The following ZNF710 variants were observed in gnomAD, a reference collection of about 807,000 sequenced individuals.
ZNF710 encodes the protein zinc finger protein 710.
Under a neutral mutation model 50.6 loss-of-function variants are expected in ZNF710, and 13 were observed. The observed-to-expected ratio is 0.26, with a 90% CI of 0.17 to 0.41. ZNF710 has a LOEUF of 0.41. Among genes scored for constraint, ZNF710 ranks in the 10% least tolerant of loss-of-function variants. ZNF710 has a pLI of 1.00. For synonymous variants in ZNF710, 383 were observed against 397.0 expected (o/e 0.96, Z 0.42); for missense variants, 721 against 936.6 (o/e 0.77, Z 3.01).
At chr15:90,030,365 C>T (rs946801402) in intron 1 of ZNF710, among the ~76,000 whole-genome samples, 1 of 136,880 alleles carries the variant, frequency 7.3e-6, no homozygotes, top group African/African-American at 2.7e-5. Context: ...AAAGAATTAG[C>T]TATCAGCTCC....
Position 90,017,761 on chromosome 15 carries a change from G to A in ZNF710, c.-29+16147G>A, listed in dbSNP as rs539171892. 3.3e-5 allele frequency among the ~76,000 whole-genome samples: 5 copies of A among 152,202 alleles called. No homozygotes were observed. The East Asian group carries it at 9.7e-4, about 29-fold the overall frequency. ...CAGTGCCCAGTTGTTTGCAGAATTC[G>A]AGAATGGATGGGAAGCACCCAGGAA... On this transcript the variant is annotated intron_variant, in intron 1 of 4. Coordinates refer to ENST00000268154, the MANE Select transcript of ZNF710 (RefSeq NM_198526.4).
At chr15:90,055,702 C>T (rs940912228) in intron 1 of ZNF710, among the ~76,000 whole-genome samples, 3 of 152,206 alleles carry the variant, frequency 2.0e-5, no homozygotes, top group East Asian at 1.9e-4. Context: ...TTCCTTGCCC[C>T]GTACAATCTC....
chr15:90,052,195 C>CA (rs1899666752), intron 1 of ZNF710, among the ~76,000 whole-genome samples: 1 of 152,202 alleles, frequency 6.6e-6, no homozygotes, highest in Admixed American at 6.5e-5. Flanking sequence ...GCCAGACACT[C>CA]ACACAGCTCG....
chr15:90,077,345 G>A (rs1037571585), intron 4 of ZNF710, among the ~76,000 whole-genome samples: 7 of 145,710 alleles, frequency 4.8e-5, no homozygotes, highest in Admixed American at 2.9e-4. Flanking sequence ...CTGGGTTCAC[G>A]CCATTCTCCT....
At chr15:90,045,875 C>G (rs373538397) in intron 1 of ZNF710, among the ~76,000 whole-genome samples, 4 of 152,138 alleles carry the variant, frequency 2.6e-5, no homozygotes, top group African/African-American at 9.7e-5. Context: ...CAGGTCTCTT[C>G]TGGAGGACCT....
Position 90,001,419 on chromosome 15 carries a change from A to AGAGC in ZNF710, c.-216_-213dup, listed in dbSNP as rs1898006491. ...CAGGGAGGGAGAGAGCGCGAGCGAG[A>AGAGC]GAGCGAGCGAGAGGAGGGGGGAGAG... On this transcript the variant is annotated 5_prime_UTR_variant, in exon 1 of 5. Coordinates refer to ENST00000268154, the MANE Select transcript of ZNF710 (RefSeq NM_198526.4). 1 of 151,640 alleles carries AGAGC rather than the reference A, an allele frequency of 6.6e-6. No homozygotes were observed. The highest frequency in any genetic ancestry group is 2.1e-4 in the South Asian group (1 of 4,820). 9.4% of individuals were successfully genotyped at this position (151,640 alleles called of 1,614,324 possible).
chr15:90,068,515 G>C lies in ZNF710; in HGVS notation c.1378G>C (p.Val460Leu), dbSNP rs1021257964. 2 of 1,613,288 alleles carry C rather than the reference G, an allele frequency of 1.2e-6. No homozygotes were observed. Among genetic ancestry groups the C allele is most frequent in the Non-Finnish European group, 1.7e-6 (2 of 1,180,042 alleles). ...GAACCACATGCTCAAGCACCAGAAC[G>C]TGCGACCCTTCGTGTGCACTGAATG... ...LQNHMLKHQN[V>L]RPFVCTECGM... The change falls in exon 2 of 5, where the codon GTG (valine) becomes CTG (leucine). Residue 460 changes from valine to leucine, a missense_variant. Val to Leu is a conservative substitution (Grantham distance 32). This residue lies in a region of ZNF710 where 326 missense variants were observed against 522.0 expected (regional missense o/e 0.62). Transcript: ENST00000268154. This position sits in a 1 kb window ranked among gnomAD's most constrained non-coding sequence, Gnocchi z 5.0.
intron 4 of ZNF710, among the ~76,000 whole-genome samples, chr15:90,077,769 G>A (rs1385279457): frequency 6.6e-6 from 1 of 152,164 alleles, no homozygotes; most frequent in Non-Finnish European, 1.5e-5. Context: ...AATGGCTCAA[G>A]ACCAGGTGTG....
At chr15:90,015,182 C>T (rs1314600256) in intron 1 of ZNF710, among the ~76,000 whole-genome samples, 8 of 152,158 alleles carry the variant, frequency 5.3e-5, no homozygotes, top group Non-Finnish European at 1.0e-4. Context: ...TGAGCCACTG[C>T]GCCTGGCCCA....
rs1228350770 is a variant in ZNF710 at position 90,081,282 on chromosome 15, G to A, written c.*1453G>A. The A allele has an allele frequency of 9.0e-6, 1 of 110,966 alleles. No homozygotes were observed. The highest frequency in any genetic ancestry group is 2.1e-5 in the Non-Finnish European group (1 of 48,152). The allele number at this position is 110,966 out of a possible 1,614,324, so 6.9% of individuals were successfully genotyped here. On this transcript the variant is annotated 3_prime_UTR_variant, in exon 5 of 5. Transcript: ENST00000268154. ...CCTGGAACCAGAGATGACAGGCCCA[G>A]GGCAGTGAAATAGCACATTCAGGAA...
chr15:90,067,687 G>A lies in ZNF710; in HGVS notation c.550G>A (p.Val184Met), dbSNP rs375929851. The A allele has an allele frequency of 8.5e-5, 137 of 1,612,332 alleles. 1 individual carries two copies. The highest frequency in any genetic ancestry group is 1.0e-4 in the Non-Finnish European group (122 of 1,179,504). Residue 184 changes from valine to methionine, a missense_variant, in exon 2 of 5, where the codon GTG becomes ATG. Val to Met is a conservative substitution (Grantham distance 21, BLOSUM62 1). Around this residue, in one of 3 missense-constraint regions of ZNF710, gnomAD observed 326 missense variants for 347.1 expected, o/e 0.94. Coordinates refer to ENST00000268154, the MANE Select transcript of ZNF710 (RefSeq NM_198526.4). The surrounding 1 kb of genome is among the most constrained non-coding windows in gnomAD (Gnocchi z 8.1). ...CCGAACCCCGAGGCCGGAGCTGAACGTGGCCCCATATGACCCTCACTTCCC... is the reference window on the plus strand; with the variant it reads ...CCGAACCCCGAGGCCGGAGCTGAACATGGCCCCATATGACCCTCACTTCCC... ...LPRTPRPELN[V>M]APYDPHFPAP...
Position 90,038,740 on chromosome 15 carries a change from T to TGTGTGTGTGTGTGTGTGTGAGA in ZNF710, c.-28-28369_-28-28368insTGTGTGTGTGTGTGTGTGAGAG, listed in dbSNP as rs150950322. Among the ~76,000 whole-genome samples the TGTGTGTGTGTGTGTGTGTGAGA allele has an allele frequency of 1.4e-4, 21 of 148,642 alleles. No individual in the cohort carries two copies. The East Asian group carries it at 2.0e-3, about 14-fold the overall frequency. On this transcript the variant is annotated intron_variant, in intron 1 of 4. Transcript: ENST00000268154. ...GTGTGTGTGTGTGTGTGTGTGTGTG[T>TGTGTGTGTGTGTGTGTGTGAGA]GAGACATTGGCTTTGAAGAGTCCAG...
At chr15:90,039,146 G>T (rs1445961127) in intron 1 of ZNF710, among the ~76,000 whole-genome samples, 2 of 152,162 alleles carry the variant, frequency 1.3e-5, no homozygotes, top group Admixed American at 1.3e-4. Flanking sequence ...AGGCGTGGTG[G>T]CAGGCGCCTG....
At chr15:90,045,764 G>A (rs1201895899) in intron 1 of ZNF710, among the ~76,000 whole-genome samples, 1 of 152,170 alleles carries the variant, frequency 6.6e-6, no homozygotes, top group Non-Finnish European at 1.5e-5. Context: ...GGGGTGGAGA[G>A]AAAACAAGAA....
At chr15:90,026,800 G>A (rs1454519842) in intron 1 of ZNF710, among the ~76,000 whole-genome samples, 1 of 152,044 alleles carries the variant, frequency 6.6e-6, no homozygotes, top group African/African-American at 2.4e-5. Context: ...TATGTGCTGG[G>A]GAAAAATGAT....
intron 1 of ZNF710, among the ~76,000 whole-genome samples, chr15:90,017,552 G>T (rs1301701940): frequency 2.0e-5 from 3 of 152,040 alleles, no homozygotes; most frequent in Non-Finnish European, 4.4e-5. Context: ...GCTCTCGGGG[G>T]TAGGAAGTTT....
At chr15:90,008,441 C>CACACATATATATATACATATATATAT (rs1555454983) in intron 1 of ZNF710, among the ~76,000 whole-genome samples, 6 of 126,480 alleles carry the variant, frequency 4.7e-5, no homozygotes, top group Admixed American at 7.6e-5. Flanking sequence ...TATATATATA[C>CACACATATATATATACATATATATAT]ATATATATAT....
rs532779122 is a variant in ZNF710 at position 90,056,084 on chromosome 15, C to G, written c.-28-11026C>G. 1.5e-3 allele frequency among the ~76,000 whole-genome samples: 218 copies of G among 150,320 alleles called. 4 individuals are homozygous for G. Among genetic ancestry groups the G allele is most frequent in the African/African-American group, 5.2e-3 (210 of 40,674 alleles). On this transcript the variant is annotated intron_variant, in intron 1 of 4. Transcript: ENST00000268154. ...TGGGCCAAGATCACACCACTACATT[C>G]CAGCCTGGGCAACAGAGCAAGACTC... is the stretch of plus-strand genomic sequence containing the variant.
intron 1 of ZNF710, among the ~76,000 whole-genome samples, chr15:90,004,747 C>T (rs930763361): frequency 1.3e-5 from 2 of 152,166 alleles, no homozygotes; most frequent in East Asian, 1.9e-4. Flanking sequence ...CTGGGGATCC[C>T]GAATCAAGCT....
Sources: allele counts gnomAD v4.1 joint callset (sites outside exome capture counted in the v4.1 genomes callset), GRCh38; gene constraint gnomAD v4.1.1; regional missense constraint gnomAD v4.1.1; non-coding constraint Gnocchi (gnomAD v3.1); transcripts MANE v1.5; gene names NCBI Gene and HGNC (gene_info 2026-07-23, HGNC 2026-07-21).